Variants in JOSD2 observed in about 807,000 individuals in gnomAD.
JOSD2 encodes Josephin domain containing 2.
Under a neutral mutation model 19.3 loss-of-function variants are expected in JOSD2, and 20 were observed. That is an observed-to-expected ratio of 1.04 (90% CI 0.73 to 1.51). JOSD2 has a LOEUF of 1.51. Among genes scored for constraint, JOSD2 ranks in the 40% most tolerant of loss-of-function variants. The probability of loss-of-function intolerance (pLI) is 0.00; values close to 1 mark genes in which losing one functional copy is unlikely to be tolerated. For missense variants in JOSD2, 215 were observed against 250.4 expected, an observed-to-expected ratio of 0.86 and a Z score of 0.95; for synonymous variants, 118 against 123.7, an observed-to-expected ratio of 0.95 and a Z score of 0.31.
rs755291936 is a variant in JOSD2, at chr19:50,510,289, T to C, written c.143A>G (p.Lys48Arg). The C allele has an allele frequency of 1.2e-5, 19 of 1,613,262 alleles. No individual in the cohort carries two copies. The highest frequency in any genetic ancestry group is 1.7e-5 in the Admixed American group (1 of 59,994). The change falls in exon 2 of 5, where the codon AAG (lysine) becomes AGG (arginine). Residue 48 changes from lysine to arginine, a missense_variant. Physicochemically the swap from Lys to Arg is conservative, Grantham distance 26 (BLOSUM62 2). Coordinates refer to ENST00000598418, the MANE Select transcript of JOSD2 (RefSeq NM_001270639.2). ...FSQEAADEIC[K>R]RLAPDSRLNP... Reference sequence around the variant, plus strand: ...GGCTGGGGTGGGTGACGGTCACCTCTTGCAGATCTCATCGGCAGCCTCCTG... The same window carrying C: ...GGCTGGGGTGGGTGACGGTCACCTCCTGCAGATCTCATCGGCAGCCTCCTG...
At chr19:50,507,176 A>C in intron 3 of JOSD2, among the ~76,000 whole-genome samples, 2 of 101,970 alleles carry the variant, frequency 2.0e-5, no homozygotes, top group Non-Finnish European at 3.7e-5. Context: ...CCATGCCCCC[A>C]ATCCTCACTC....
At chr19:50,506,877 C>T (rs1180603922) in intron 3 of JOSD2, among the ~76,000 whole-genome samples, 1 of 149,288 alleles carries the variant, frequency 6.7e-6, no homozygotes, top group Non-Finnish European at 1.5e-5. Flanking sequence ...TCCAGCCACC[C>T]ACCCACCAAC....
intron 3 of JOSD2, 86 bp downstream of exon 3, chr19:50,507,488 T>G: frequency 6.7e-7 from 1 of 1,486,590 alleles, no homozygotes; most frequent in Non-Finnish European, 8.9e-7. Context: ...CCCAGCCACA[T>G]TCCCCTCCCT....
chr19:50,506,261 G>T lies in JOSD2; in HGVS notation c.479C>A (p.Ala160Glu). 4 of 1,612,612 alleles carry T rather than the reference G, an allele frequency of 2.5e-6. No individual in the cohort carries two copies. Among genetic ancestry groups the T allele is most frequent in the Non-Finnish European group, 3.4e-6 (4 of 1,179,784 alleles). ...GDEDGVRAFLAAALAQGLCEV... is the reference protein window; with the variant it reads ...GDEDGVRAFLEAALAQGLCEV... ...GCACAGGCCCTGGGCCAGCGCAGCC[G>T]CCAGGAAGGCCCTGGGTGGGAGAAA... The change falls in exon 5 of 5, where the codon GCG becomes GAG. Residue 160 changes from alanine to glutamate, a missense_variant. Ala to Glu is a moderately radical substitution (Grantham distance 107, BLOSUM62 -1). Coordinates refer to ENST00000598418, the MANE Select transcript of JOSD2 (RefSeq NM_001270639.2).
chr19:50,510,587 T>C, intron 1 of JOSD2, 139 bp from the exon 2 acceptor site: 1 of 707,394 alleles, frequency 1.4e-6, no homozygotes, highest in Non-Finnish European at 2.3e-6. Flanking sequence ...CTGACCCCGC[T>C]CCCTGGCAGT....
chr19:50,506,594 A>C, intron 3 of JOSD2, 22 bp from the exon 4 acceptor site: 1 of 1,486,780 alleles, frequency 6.7e-7, no homozygotes. Context: ...GGGAGGGGAC[A>C]CTGCCATCAG....
rs972084254 is a variant in JOSD2, at chr19:50,506,486, G to A, written c.359C>T (p.Pro120Leu). The A allele has an allele frequency of 1.7e-5, 26 of 1,568,304 alleles. No individual in the cohort carries two copies. Among genetic ancestry groups the A allele is most frequent in the South Asian group, 2.3e-5 (2 of 85,714 alleles). Residue 120 changes from proline (P) to leucine (L), a missense_variant, in exon 4 of 5, where the codon CCG becomes CTG. Physicochemically the swap from Pro to Leu is moderately conservative, Grantham distance 98 (BLOSUM62 -3). Coordinates refer to ENST00000598418, the MANE Select transcript of JOSD2 (RefSeq NM_001270639.2). ...SPVSLGLLSLPLRRRHWVALR... is the reference protein window; with the variant it reads ...SPVSLGLLSLLLRRRHWVALR... ...GGCCACCCAGTGCCGCCGGCGCAGC[G>A]GCAGTGACAGCAGCCCCAGCGACAC...
chr19:50,506,799 G>A (rs554045896), intron 3 of JOSD2, among the ~76,000 whole-genome samples: 24 of 14,136 alleles, frequency 1.7e-3, no homozygotes, highest in African/African-American at 5.3e-3. Context: ...CCCACCCACC[G>A]TCCACCCACC....
At chr19:50,507,188 C>A (rs1171476401) in intron 3 of JOSD2, among the ~76,000 whole-genome samples, 1 of 145,156 alleles carries the variant, frequency 6.9e-6, no homozygotes, top group Non-Finnish European at 1.5e-5. Flanking sequence ...TCCTCACTCA[C>A]TCTTGACCCC....
intron 1 of JOSD2, 145 bp downstream of exon 1, chr19:50,510,972 C>T (rs1979800379): frequency 2.5e-6 from 1 of 395,208 alleles, no homozygotes; most frequent in Middle Eastern, 3.6e-4. Flanking sequence ...GGCAACGGGG[C>T]CCCCTCCCCA....
chr19:50,507,426 C>G, intron 3 of JOSD2, 148 bp downstream of exon 3: 1 of 1,101,354 alleles, frequency 9.1e-7, no homozygotes, highest in East Asian at 2.4e-5. Context: ...ACCACCTGAT[C>G]TCCCCCTTTC....
At chr19:50,509,245 T>C (rs1979582264) in intron 2 of JOSD2, among the ~76,000 whole-genome samples, 2 of 151,658 alleles carry the variant, frequency 1.3e-5, no homozygotes, top group African/African-American at 4.8e-5. Flanking sequence ...GCCCAGCTAA[T>C]TTTATTTTTT....
At position 50,506,241 on chromosome 19, in the gene JOSD2, G is replaced by A; in HGVS notation, c.499C>T (p.Leu167=). ...GTCACTACCAGCAGCACCTCGCACAGGCCCTGGGCCAGCGCAGCCGCCAGG... is the reference window on the plus strand; with the variant it reads ...GTCACTACCAGCAGCACCTCGCACAAGCCCTGGGCCAGCGCAGCCGCCAGG... ...AFLAAALAQG[L]CEVLLVVTKE... Residue 167 remains leucine, a synonymous_variant, in exon 5 of 5, where the codon CTG becomes TTG. Transcript: ENST00000598418. 2 of 1,612,714 alleles carry A rather than the reference G, an allele frequency of 1.2e-6. No individual in the cohort carries two copies. The highest frequency in any genetic ancestry group is 1.1e-5 in the South Asian group (1 of 91,074).
intron 2 of JOSD2, among the ~76,000 whole-genome samples, chr19:50,509,795 T>A (rs975828933): frequency 1.3e-5 from 2 of 151,944 alleles, no homozygotes; most frequent in Non-Finnish European, 2.9e-5. Context: ...GGCTCACGCC[T>A]GTAATCCTAG....
chr19:50,506,629 T>A, intron 3 of JOSD2, 57 bp from the exon 4 acceptor site: 7 of 1,438,466 alleles, frequency 4.9e-6, no homozygotes, highest in Non-Finnish European at 6.5e-6. Context: ...GCCGGTGAAA[T>A]GTTGCTGAAC....
chr19:50,506,429 A>G lies in JOSD2; in HGVS notation c.416T>C (p.Leu139Pro). Residue 139 changes from leucine (L) to proline (P), a missense_variant, in exon 4 of 5, where the codon CTG (leucine) becomes CCG (proline). Transcript: ENST00000598418. ...CTCGGGCGCCCGCAGCTTGGAGTCCAGGTTGTAGTAGACACCGTCCACCTG... is the reference window on the plus strand; with the variant it reads ...CTCGGGCGCCCGCAGCTTGGAGTCCGGGTTGTAGTAGACACCGTCCACCTG... The part of the protein sequence containing the change: ...LRQVDGVYYN[L>P]DSKLRAPEAL... The G allele has an allele frequency of 6.2e-7, 1 of 1,603,298 alleles. No homozygotes were observed. Among genetic ancestry groups the G allele is most frequent in the Admixed American group, 1.7e-5 (1 of 58,624 alleles).
chr19:50,510,064 AAAAG>A (rs1258494944), intron 2 of JOSD2: 29 of 464,228 alleles, frequency 6.2e-5, no homozygotes, highest in South Asian at 2.2e-4. Flanking sequence ...AAAAAAAAAA[AAAAG>A]AAAGAACCAC....
At chr19:50,510,176 G>T in intron 2 of JOSD2, 110 bp downstream of exon 2, 2 of 1,320,432 alleles carry the variant, frequency 1.5e-6, no homozygotes, top group Non-Finnish European at 2.1e-6. Flanking sequence ...GCAAGTGAGC[G>T]CGGAGCAGAA....
At chr19:50,509,217 A>G (rs1979580344) in intron 2 of JOSD2, among the ~76,000 whole-genome samples, 1 of 150,412 alleles carries the variant, frequency 6.6e-6, no homozygotes, top group Non-Finnish European at 1.5e-5. Flanking sequence ...AGCTGGGACT[A>G]CAGACATGTG....
Sources: allele counts gnomAD v4.1 joint callset (sites outside exome capture counted in the v4.1 genomes callset), GRCh38; gene constraint gnomAD v4.1.1; transcripts MANE v1.5; gene names NCBI Gene and HGNC (gene_info 2026-07-23, HGNC 2026-07-21).